The following CCDC178 variants were observed in gnomAD, a reference collection of about 807,000 sequenced individuals.
The protein encoded by CCDC178 is coiled-coil domain-containing protein 178.
In CCDC178, 126 loss-of-function variants were observed where a neutral mutation model predicts 117.4. The observed-to-expected ratio is 1.07, with a 90% CI of 0.93 to 1.24. The LOEUF (loss-of-function observed/expected upper bound fraction) is 1.24. Among genes scored for constraint, CCDC178 ranks in the 50% most tolerant of loss-of-function variants. The probability of loss-of-function intolerance (pLI) is 0.00; values close to 1 mark genes in which losing one functional copy is unlikely to be tolerated. For missense variants in CCDC178, 1,030 were observed against 986.9 expected (o/e 1.04, Z -0.59); for synonymous variants, 283 against 313.4 (o/e 0.90, Z 1.02).
At chr18:33,216,839 T>C (rs2059171656) in intron 18 of CCDC178, among the ~76,000 whole-genome samples, 1 of 151,998 alleles carries the variant, frequency 6.6e-6, no homozygotes, top group African/African-American at 2.4e-5. Context: ...CTAAGATTTG[T>C]TGATAGGTCC....
At position 33,293,408 on chromosome 18, in the gene CCDC178, C is replaced by A. The variant is rs561607911; in HGVS notation, c.1023-96G>T. 2,455 of 707,692 alleles carry A rather than the reference C, an allele frequency of 3.5e-3. 25 individuals are homozygous for A. Among genetic ancestry groups the A allele is most frequent in the South Asian group, 0.012 (510 of 41,090 alleles). The allele number at this position is 707,692 out of a possible 1,614,324, so 43.8% of individuals were successfully genotyped here. ...AGGCTTGGTGGCTCATGCCTGTAAT[C>A]TCAGCACTTTGGGAGGCCAAGGTAG... On this transcript the variant is annotated intron_variant, in intron 11 of 22. Coordinates refer to ENST00000383096, the MANE Select transcript of CCDC178 (RefSeq NM_001105528.4).
chr18:33,268,839 A>G (rs995038961), intron 12 of CCDC178, among the ~76,000 whole-genome samples: 2 of 151,850 alleles, frequency 1.3e-5, no homozygotes, highest in African/African-American at 4.8e-5. Context: ...CCTTGTCAAC[A>G]TTCGAAATTA....
intron 18 of CCDC178, among the ~76,000 whole-genome samples, chr18:33,218,865 T>A (rs1476434849): frequency 6.6e-6 from 1 of 152,160 alleles, no homozygotes; most frequent in East Asian, 1.9e-4. Context: ...CCTTGTAGTA[T>A]AGTTTGAAGT....
intron 21 of CCDC178, among the ~76,000 whole-genome samples, chr18:33,039,115 A>G (rs944276019): frequency 6.6e-6 from 1 of 152,082 alleles, no homozygotes; most frequent in Non-Finnish European, 1.5e-5. Flanking sequence ...AGACATGAAA[A>G]TAAAACAAAT....
chr18:33,306,384 A>G (rs542166572), intron 11 of CCDC178, among the ~76,000 whole-genome samples: 1 of 149,340 alleles, frequency 6.7e-6, no homozygotes, highest in African/African-American at 2.5e-5. Flanking sequence ...CTCATGGCCA[A>G]AAGTCCAAGG....
At chr18:33,202,361 C>G (rs1299190487) in intron 20 of CCDC178, among the ~76,000 whole-genome samples, 3 of 133,782 alleles carry the variant, frequency 2.2e-5, no homozygotes, top group Middle Eastern at 4.5e-3. Context: ...CCACTGCACT[C>G]CAGCCTGGCA....
At chr18:33,218,783 A>T (rs1291394266) in intron 18 of CCDC178, among the ~76,000 whole-genome samples, 1 of 151,842 alleles carries the variant, frequency 6.6e-6, no homozygotes, top group Non-Finnish European at 1.5e-5. Context: ...ATTATTTCTG[A>T]GGGCTCTGCT....
intron 22 of CCDC178, among the ~76,000 whole-genome samples, chr18:32,968,452 T>A (rs1376589128): frequency 6.6e-6 from 1 of 151,962 alleles, no homozygotes; most frequent in Non-Finnish European, 1.5e-5. Flanking sequence ...AGTGCTGCAA[T>A]GAACATGGGA....
chr18:33,269,032 G>C (rs1179130678), intron 12 of CCDC178, among the ~76,000 whole-genome samples: 1 of 151,724 alleles, frequency 6.6e-6, no homozygotes, highest in Non-Finnish European at 1.5e-5. Flanking sequence ...GTAGAATCAG[G>C]CTAGAATGCA....
rs546489085 is a variant in CCDC178, at chr18:33,237,312, T to G, written c.1593+7933A>C. Reference sequence around the variant, plus strand: ...CAGCACTTCCATCTAGGAAAGGATCTGAGTCCCACCCAGGGCAAACCCACC... The same window carrying G: ...CAGCACTTCCATCTAGGAAAGGATCGGAGTCCCACCCAGGGCAAACCCACC... On this transcript the variant is annotated intron_variant, in intron 15 of 22. Transcript: ENST00000383096. Among the ~76,000 whole-genome samples, 499 of 152,232 alleles carry G rather than the reference T, an allele frequency of 3.3e-3. 6 individuals are homozygous for G. Among genetic ancestry groups the G allele is most frequent in the African/African-American group, 0.011 (471 of 41,538 alleles).
chr18:33,200,385 G>A (rs1421405522), intron 20 of CCDC178, among the ~76,000 whole-genome samples: 9 of 152,158 alleles, frequency 5.9e-5, no homozygotes, highest in East Asian at 1.9e-4. Context: ...GCAGTCCAGC[G>A]GAAACATCTG....
chr18:32,967,349 T>C (rs1231907543), intron 22 of CCDC178, among the ~76,000 whole-genome samples: 3 of 151,638 alleles, frequency 2.0e-5, no homozygotes, highest in Non-Finnish European at 4.4e-5. Flanking sequence ...CTTTATATAT[T>C]ATAAAGTTAT....
At chr18:33,116,391 A>G (rs1284700607) in intron 20 of CCDC178, among the ~76,000 whole-genome samples, 2 of 152,184 alleles carry the variant, frequency 1.3e-5, no homozygotes, top group Admixed American at 6.5e-5. Flanking sequence ...GTGGCTTTGT[A>G]TTAGTCTTGC....
chr18:33,322,536 G>A (rs1364602847), intron 11 of CCDC178, among the ~76,000 whole-genome samples: 3 of 151,466 alleles, frequency 2.0e-5, no homozygotes, highest in Non-Finnish European at 3.0e-5. Flanking sequence ...TTTTCTCACG[G>A]AAATACAATT....
chr18:33,148,856 G>A (rs900409439), intron 20 of CCDC178, among the ~76,000 whole-genome samples: 2 of 152,154 alleles, frequency 1.3e-5, no homozygotes, highest in African/African-American at 4.8e-5. Flanking sequence ...TTTGTAACCA[G>A]AAGGGTCAAC....
At chr18:33,329,688 G>T (rs2062636990) in intron 10 of CCDC178, among the ~76,000 whole-genome samples, 2 of 151,952 alleles carry the variant, frequency 1.3e-5, no homozygotes, top group African/African-American at 4.8e-5. Flanking sequence ...GCTAGATTTG[G>T]GTTGCTAGGA....
At position 33,379,097 on chromosome 18, in the gene CCDC178, G is replaced by A. The variant is rs561426695; in HGVS notation, c.209-8908C>T. Among the ~76,000 whole-genome samples the A allele has an allele frequency of 8.0e-3, 674 of 84,090 alleles. 10 individuals carry two copies. The highest frequency in any genetic ancestry group is 0.031 in the African/African-American group (639 of 20,340). The allele number at this position is 84,090 out of a possible 152,430, so 55.2% of individuals were successfully genotyped here. ...GATTTTTTCTTTTTATTTCTTTGCC[G>A]TATATATATATATTTCCATATATAT... On this transcript the variant is annotated intron_variant, in intron 5 of 22. Transcript: ENST00000383096.
At chr18:33,045,554 T>C (rs747787758) in intron 21 of CCDC178, among the ~76,000 whole-genome samples, 4 of 152,210 alleles carry the variant, frequency 2.6e-5, no homozygotes, top group Non-Finnish European at 5.9e-5. Flanking sequence ...AAACATAGTC[T>C]AATGCTCATG....
At chr18:33,215,171 T>A (rs1318461587) in intron 19 of CCDC178, among the ~76,000 whole-genome samples, 1 of 152,022 alleles carries the variant, frequency 6.6e-6, no homozygotes, top group East Asian at 1.9e-4. Context: ...TATCTGAGTC[T>A]GAACTCTTAC....
Sources: allele counts gnomAD v4.1 joint callset (sites outside exome capture counted in the v4.1 genomes callset), GRCh38; gene constraint gnomAD v4.1.1; transcripts MANE v1.5; gene names NCBI Gene and HGNC (gene_info 2026-07-23, HGNC 2026-07-21).